The following UNC5D variants were observed in gnomAD, a reference collection of about 807,000 sequenced individuals.
UNC5D encodes the protein unc-5 netrin receptor D, also known as netrin receptor UNC5D.
In UNC5D, 39 loss-of-function variants were observed where a neutral mutation model predicts 105.4. That is an observed-to-expected ratio of 0.37 (90% CI 0.29 to 0.48). The LOEUF (loss-of-function observed/expected upper bound fraction) is 0.48. Ranked by LOEUF, UNC5D falls within the 20% of genes least tolerant of loss-of-function variation. The pLI is 0.98. For synonymous variants in UNC5D, 452 were observed against 450.4 expected (o/e 1.00, Z -0.04); for missense variants, 991 against 1,202.4 (o/e 0.82, Z 2.60).
chr8:35,454,734 AAAAATTTAAAACACC>A (rs947968703), intron 1 of UNC5D, among the ~76,000 whole-genome samples: 5 of 152,156 alleles, frequency 3.3e-5, no homozygotes, highest in African/African-American at 4.8e-5. Flanking sequence ...CCGTACCCAT[AAAAATTTAAAACACC>A]AATGAAATTT....
intron 1 of UNC5D, among the ~76,000 whole-genome samples, chr8:35,248,668 A>C (rs1201426207): frequency 1.0e-5 from 1 of 99,710 alleles, no homozygotes; most frequent in East Asian, 3.0e-4. Flanking sequence ...ATATAAATAT[A>C]TGTTATATAT....
intron 1 of UNC5D, among the ~76,000 whole-genome samples, chr8:35,275,672 C>T (rs1805725903): frequency 6.6e-6 from 1 of 152,168 alleles, no homozygotes. Context: ...TCACCATTTA[C>T]TCTCTGTGTG....
chr8:35,590,102 G>A (rs1365217502), intron 3 of UNC5D, among the ~76,000 whole-genome samples: 2 of 152,036 alleles, frequency 1.3e-5, no homozygotes, highest in Non-Finnish European at 2.9e-5. Flanking sequence ...TTAGCCACTT[G>A]TATCTCTTCT....
intron 8 of UNC5D, among the ~76,000 whole-genome samples, chr8:35,710,516 C>T (rs1487203205): frequency 2.0e-5 from 3 of 152,022 alleles, no homozygotes; most frequent in Admixed American, 6.6e-5. Context: ...GCCAGACAGT[C>T]GAGAAGTCAG....
At chr8:35,335,920 C>T (rs1023794343) in intron 1 of UNC5D, among the ~76,000 whole-genome samples, 1 of 151,746 alleles carries the variant, frequency 6.6e-6, no homozygotes, top group Non-Finnish European at 1.5e-5. Context: ...CCCACCACCA[C>T]GCCCGGATAA....
chr8:35,284,736 G>A (rs997268848), intron 1 of UNC5D, among the ~76,000 whole-genome samples: 2 of 151,824 alleles, frequency 1.3e-5, no homozygotes, highest in African/African-American at 2.4e-5. Flanking sequence ...TTATTTTTTT[G>A]TATTTTTAGT....
intron 12 of UNC5D, among the ~76,000 whole-genome samples, chr8:35,749,428 T>C (rs114813026): frequency 0.044 from 6,714 of 152,262 alleles, 375 homozygotes; most frequent in African/African-American, 0.13. Context: ...ATTATCTTTG[T>C]TGGAACACAA....
chr8:35,433,895 C>A (rs1806823472), intron 1 of UNC5D, among the ~76,000 whole-genome samples: 1 of 151,248 alleles, frequency 6.6e-6, no homozygotes, highest in Admixed American at 6.6e-5. Context: ...ATACTATATT[C>A]TCATTTATAC....
intron 4 of UNC5D, among the ~76,000 whole-genome samples, chr8:35,672,967 G>T (rs1033467663): frequency 6.6e-6 from 1 of 152,188 alleles, no homozygotes; most frequent in African/African-American, 2.4e-5. Flanking sequence ...TCAGGCTTCT[G>T]CAGAGGGACG....
chr8:35,473,453 C>G (rs1473430937), intron 1 of UNC5D, among the ~76,000 whole-genome samples: 1 of 152,144 alleles, frequency 6.6e-6, no homozygotes, highest in Non-Finnish European at 1.5e-5. Flanking sequence ...GAGCAAATCC[C>G]TCACACACTT....
At chr8:35,363,496 T>C (rs114036226) in intron 1 of UNC5D, among the ~76,000 whole-genome samples, 2,321 of 152,234 alleles carry the variant, frequency 0.015, 65 homozygotes, top group African/African-American at 0.054. Context: ...CCAAACCATA[T>C]TATAAGCTAT....
intron 1 of UNC5D, among the ~76,000 whole-genome samples, chr8:35,509,651 T>C (rs949620566): frequency 3.0e-4 from 45 of 151,240 alleles, no homozygotes; most frequent in African/African-American, 1.0e-3. Context: ...GGTCTTCTTA[T>C]TCTCTTCTTA....
intron 1 of UNC5D, among the ~76,000 whole-genome samples, chr8:35,356,604 T>C (rs1285610726): frequency 1.3e-5 from 2 of 150,934 alleles, no homozygotes; most frequent in African/African-American, 4.9e-5. Flanking sequence ...ATCGTAGATC[T>C]TACTGTAGCA....
At chr8:35,335,260 T>C (rs1810939078) in intron 1 of UNC5D, among the ~76,000 whole-genome samples, 1 of 152,220 alleles carries the variant, frequency 6.6e-6, no homozygotes, top group Non-Finnish European at 1.5e-5. Flanking sequence ...CAAACCTTTG[T>C]GTGGTAATAC....
chr8:35,584,922 G>C (rs1818689389), intron 3 of UNC5D, among the ~76,000 whole-genome samples: 1 of 151,954 alleles, frequency 6.6e-6, no homozygotes. Context: ...ATTTCTTTTT[G>C]GAATATGAAT....
chr8:35,272,939 G>C (rs940617825), intron 1 of UNC5D, among the ~76,000 whole-genome samples: 4 of 152,160 alleles, frequency 2.6e-5, no homozygotes, highest in Admixed American at 1.3e-4. Flanking sequence ...AGTACATTAG[G>C]TATCACTTTT....
intron 1 of UNC5D, among the ~76,000 whole-genome samples, chr8:35,365,886 G>A (rs1802093882): frequency 6.6e-6 from 1 of 152,150 alleles, no homozygotes; most frequent in African/African-American, 2.4e-5. Context: ...TGACTTGAAA[G>A]GTTTCACCTG....
intron 1 of UNC5D, among the ~76,000 whole-genome samples, chr8:35,273,137 G>T (rs1297895780): frequency 6.6e-6 from 1 of 152,112 alleles, no homozygotes; most frequent in Admixed American, 6.5e-5. Context: ...ACGGAATCTG[G>T]ACTTAACTGA....
intron 4 of UNC5D, among the ~76,000 whole-genome samples, chr8:35,616,818 G>A (rs750738055): frequency 8.5e-5 from 13 of 152,204 alleles, no homozygotes; most frequent in Non-Finnish European, 1.6e-4. Flanking sequence ...GGAAAGATCC[G>A]AAGGCCAGCA....
Sources: allele counts gnomAD v4.1 joint callset (sites outside exome capture counted in the v4.1 genomes callset), GRCh38; gene constraint gnomAD v4.1.1; transcripts MANE v1.5; gene names NCBI Gene and HGNC (gene_info 2026-07-23, HGNC 2026-07-21).